PCDHGA8: variants seen among roughly 807,000 people sequenced by gnomAD.
PCDHGA8 encodes protocadherin gamma-A8.
PCDHGA8 carries 45 observed loss-of-function variants against 59.2 expected under a neutral mutation model. The observed-to-expected ratio is 0.76, with a 90% CI of 0.60 to 0.98. PCDHGA8 has a LOEUF of 0.98. Among genes scored for constraint, PCDHGA8 ranks in the 50% least tolerant of loss-of-function variants. PCDHGA8 has a pLI of 0.00. For synonymous variants in PCDHGA8, 531 were observed against 519.0 expected, an observed-to-expected ratio of 1.02 and a Z score of -0.32; for missense variants, 1,257 against 1,196.2, an observed-to-expected ratio of 1.05 and a Z score of -0.75.
Position 141,394,802 on chromosome 5 carries a change from C to A in PCDHGA8, c.1989C>A (p.Ala663=). ...CCGCCACTGTCACGCTCACCGTAGC[C>A]GTGGCTGACAGCATCCCCGAAGTCC... ...PLSATVTLTV[A]VADSIPEVLT... Residue 663 remains alanine (A), a synonymous_variant, in exon 1 of 4, where the codon GCC becomes GCA. Coordinates refer to ENST00000398604, the MANE Select transcript of PCDHGA8 (RefSeq NM_032088.2). 6.2e-7 allele frequency: 1 copy of A among 1,613,810 alleles called. No homozygotes were observed. The highest frequency in any genetic ancestry group is 2.2e-5 in the East Asian group (1 of 44,882).
chr5:141,497,406 C>T lies in PCDHGA8; in HGVS notation c.2483+2541C>T, dbSNP rs892691245. 1.2e-4 allele frequency among the ~76,000 whole-genome samples: 19 copies of T among 152,174 alleles called. No individual in the cohort carries two copies. The East Asian group carries it at 1.5e-3, about 12-fold the overall frequency. ...AGCACCTTACCCCTGCCTCAACTCC[C>T]ATTCCATCAAATGAGAGGCTTAGTG... On this transcript the variant is annotated intron_variant, in intron 2 of 3. Transcript: ENST00000398604.
At chr5:141,437,195 A>G (rs2097867163) in intron 1 of PCDHGA8, among the ~76,000 whole-genome samples, 2 of 152,180 alleles carry the variant, frequency 1.3e-5, no homozygotes, top group African/African-American at 4.8e-5. Context: ...ATGGGTTTGG[A>G]TGTGTTTACA....
Position 141,477,531 on chromosome 5 carries a change from C to G in PCDHGA8, c.2425-17276C>G. ...GTTTACATTGAAGAAAACAACCTCC[C>G]CGGGGCTCCAATACTAAACCTAAGT... On this transcript the variant is annotated intron_variant, in intron 1 of 3. Coordinates refer to ENST00000398604, the MANE Select transcript of PCDHGA8 (RefSeq NM_032088.2). This position sits in a 1 kb window ranked among gnomAD's most constrained non-coding sequence, Gnocchi z 4.9. The G allele has an allele frequency of 6.2e-7, 1 of 1,614,162 alleles. No homozygotes were observed. Among genetic ancestry groups the G allele is most frequent in the South Asian group, 1.1e-5 (1 of 91,086 alleles).
intron 1 of PCDHGA8, among the ~76,000 whole-genome samples, chr5:141,435,652 G>A (rs978809372): frequency 3.9e-5 from 6 of 152,226 alleles, no homozygotes; most frequent in East Asian, 1.9e-4. Flanking sequence ...TTTCTGAAAC[G>A]TGCACAGATT....
At chr5:141,411,954 A>T (rs563669924) in intron 1 of PCDHGA8, 1 of 152,382 alleles carries the variant, frequency 6.6e-6, no homozygotes, top group East Asian at 1.9e-4. Flanking sequence ...TTTTGAAGAA[A>T]AAAGATAAAA....
At chr5:141,495,013 T>C (rs2099758300) in intron 2 of PCDHGA8, 148 bp downstream of exon 2, 12 of 1,511,014 alleles carry the variant, frequency 7.9e-6, no homozygotes, top group Non-Finnish European at 1.1e-5. Context: ...TGCGGGGGGC[T>C]GGCACACAGA....
In PCDHGA8 at chr5:141,418,027, T is replaced by C. The variant is rs536104184; in HGVS notation, c.2424+22790T>C. On this transcript the variant is annotated intron_variant, in intron 1 of 3. Coordinates refer to ENST00000398604, the MANE Select transcript of PCDHGA8 (RefSeq NM_032088.2). ...GGAACCTCGCTAAGGATCTAGGGCT[T>C]AGTGTCCTGGATGTGTCGGCTCGCG... is the stretch of plus-strand genomic sequence containing the variant. 144 of 1,613,732 alleles carry C rather than the reference T, an allele frequency of 8.9e-5. No homozygotes were observed. The East Asian group carries it at 1.2e-3, about 14-fold the overall frequency.
chr5:141,409,130 G>A, intron 1 of PCDHGA8: 1 of 1,613,994 alleles, frequency 6.2e-7, no homozygotes, highest in South Asian at 1.1e-5. Context: ...ATTTGATTTT[G>A]AAGATGTAGA....
chr5:141,463,364 T>C (rs1166107031), intron 1 of PCDHGA8, among the ~76,000 whole-genome samples: 2 of 150,250 alleles, frequency 1.3e-5, no homozygotes, highest in Admixed American at 6.6e-5. Context: ...TCCCCTTTCC[T>C]GCCCCACAGT....
chr5:141,487,451 A>G lies in PCDHGA8; in HGVS notation c.2425-7356A>G. 6.2e-7 allele frequency: 1 copy of G among 1,614,122 alleles called. No homozygotes were observed. Among genetic ancestry groups the G allele is most frequent in the Non-Finnish European group, 8.5e-7 (1 of 1,180,006 alleles). On this transcript the variant is annotated intron_variant, in intron 1 of 3. Transcript: ENST00000398604. This position sits in a 1 kb window ranked among gnomAD's most constrained non-coding sequence, Gnocchi z 5.0. ...AATCCAGCTAGGGTCAGATGACCCT[A>G]TCAAGTTTGTTGATGTGGGAGGCCA...
chr5:141,441,623 C>T (rs530409184), intron 1 of PCDHGA8: 2 of 224,422 alleles, frequency 8.9e-6, no homozygotes, highest in Non-Finnish European at 1.8e-5. Flanking sequence ...TGGCCAGTGA[C>T]CTGGAGCCAC....
chr5:141,438,579 CATACATACATACATAT>C (rs1360889040), intron 1 of PCDHGA8, among the ~76,000 whole-genome samples: 18 of 55,776 alleles, frequency 3.2e-4, no homozygotes, highest in Non-Finnish European at 5.1e-4. Context: ...GATATACATA[CATACATACATACATAT>C]ATATATATAT....
chr5:141,404,080 C>G (rs369802030), intron 1 of PCDHGA8: 1 of 1,613,516 alleles, frequency 6.2e-7, no homozygotes, highest in Non-Finnish European at 8.5e-7. Flanking sequence ...ACCGAGACTC[C>G]GGGAAGAATG....
At chr5:141,428,010 G>A in intron 1 of PCDHGA8, 1 of 1,603,006 alleles carries the variant, frequency 6.2e-7, no homozygotes, top group Non-Finnish European at 8.5e-7. Flanking sequence ...CTTCGATATA[G>A]TGCCACGCGC....
intron 1 of PCDHGA8, among the ~76,000 whole-genome samples, chr5:141,438,613 TATATATATATATATATATATATACAC>T (rs1192023297): frequency 0.026 from 946 of 36,486 alleles, 27 homozygotes; most frequent in African/African-American, 0.12. Flanking sequence ...TATATATATA[TATATATATATATATATATATATACAC>T]ACACACACAC....
At position 141,393,315 on chromosome 5, in the gene PCDHGA8, C is replaced by A; in HGVS notation, c.502C>A (p.Gln168Lys). ...CCCGGATGTGGGCGTGAACTCCCTC[C>A]AGAGCTACCAGCTCAGCCCCAATCA... ...VDPDVGVNSL[Q>K]SYQLSPNHHF... The change falls in exon 1 of 4, where the codon CAG becomes AAG. Residue 168 changes from glutamine (Q) to lysine (K), a missense_variant. Physicochemically the swap from Gln to Lys is moderately conservative, Grantham distance 53. Coordinates refer to ENST00000398604, the MANE Select transcript of PCDHGA8 (RefSeq NM_032088.2). 1 of 1,613,104 alleles carries A rather than the reference C, an allele frequency of 6.2e-7. No homozygotes were observed.
rs971610218 is a variant in PCDHGA8, at chr5:141,400,979, C to T, written c.2424+5742C>T. Among the ~76,000 whole-genome samples, 10 of 152,258 alleles carry T rather than the reference C, an allele frequency of 6.6e-5. No individual in the cohort carries two copies. The East Asian group carries it at 9.6e-4, about 15-fold the overall frequency. ...GTAGTTTTCATCTCTTTCTTATGTT[C>T]CTCATATATGCTTTCTTATTCCTAC... On this transcript the variant is annotated intron_variant, in intron 1 of 3. Transcript: ENST00000398604.
intron 1 of PCDHGA8, chr5:141,415,028 C>T (rs756347396): frequency 3.1e-6 from 5 of 1,613,524 alleles, no homozygotes; most frequent in Middle Eastern, 1.7e-4. Context: ...GCCAGCGAGC[C>T]GGGACTCTTC....
At position 141,487,063 on chromosome 5, in the gene PCDHGA8, G is replaced by A. The variant is rs754361361; in HGVS notation, c.2425-7744G>A. 39 of 1,614,086 alleles carry A rather than the reference G, an allele frequency of 2.4e-5. No individual in the cohort carries two copies. In the South Asian group the frequency reaches 3.7e-4, roughly 15 times the overall value. The stretch of plus-strand genomic sequence containing the variant: ...CTCGATATGCTGGGGAGGTGCGGAC[G>A]GCTGTTCCTATCCCAGCTGACCTCC... On this transcript the variant is annotated intron_variant, in intron 1 of 3. Transcript: ENST00000398604. The surrounding 1 kb of genome is among the most constrained non-coding windows in gnomAD (Gnocchi z 5.0).
Sources: gnomAD v4.1 joint callset for allele counts (sites outside exome capture counted in the v4.1 genomes callset) on GRCh38, gnomAD v4.1.1 for gene constraint, Gnocchi (gnomAD v3.1) non-coding constraint, MANE v1.5 for transcripts, NCBI Gene and HGNC (gene_info 2026-07-23, HGNC 2026-07-21) for gene names.